ACSS3: variants seen among roughly 807,000 people sequenced by gnomAD.
ACSS3 encodes the protein acyl-CoA synthetase short-chain family member 3, mitochondrial.
Under a neutral mutation model 84.2 loss-of-function variants are expected in ACSS3, and 64 were observed. The observed-to-expected ratio is 0.76, with a 90% CI of 0.62 to 0.94. The LOEUF is 0.94. ACSS3 is among the 40% of genes least tolerant of loss of function. ACSS3 has a pLI of 0.00. For missense variants in ACSS3, 815 were observed against 867.6 expected (o/e 0.94, Z 0.76); for synonymous variants, 317 against 310.1 (o/e 1.02, Z -0.23).
intron 9 of ACSS3, among the ~76,000 whole-genome samples, chr12:81,212,810 A>G (rs748763175): frequency 2.4e-4 from 36 of 152,226 alleles, no homozygotes; most frequent in Non-Finnish European, 4.4e-4. Flanking sequence ...CAGTAAAGAC[A>G]TGCAGTAAAG....
intron 8 of ACSS3, among the ~76,000 whole-genome samples, chr12:81,178,007 A>G (rs2030622086): frequency 6.6e-6 from 1 of 152,174 alleles, no homozygotes; most frequent in Non-Finnish European, 1.5e-5. Context: ...ATAAAGACAC[A>G]TGCACACATA....
intron 13 of ACSS3, among the ~76,000 whole-genome samples, chr12:81,242,044 T>A (rs2033824006): frequency 6.6e-6 from 1 of 152,164 alleles, no homozygotes; most frequent in Non-Finnish European, 1.5e-5. Flanking sequence ...CAGTTTCAGC[T>A]TTCTACATAT....
intron 13 of ACSS3, among the ~76,000 whole-genome samples, chr12:81,244,330 G>A (rs756206327): frequency 6.6e-6 from 1 of 151,488 alleles, no homozygotes; most frequent in South Asian, 2.1e-4. Flanking sequence ...AGTATGATAT[G>A]CCTACATGTA....
chr12:81,160,720 A>G (rs1177544709), intron 7 of ACSS3, among the ~76,000 whole-genome samples: 1 of 152,040 alleles, frequency 6.6e-6, no homozygotes, highest in Middle Eastern at 3.4e-3. Flanking sequence ...ATTTCTTTTC[A>G]TAGTTAGGGA....
intron 1 of ACSS3, among the ~76,000 whole-genome samples, chr12:81,085,469 T>G (rs1236433935): frequency 1.3e-5 from 2 of 152,234 alleles, no homozygotes; most frequent in Non-Finnish European, 2.9e-5. Context: ...CCCCAGATGC[T>G]GCAAAGTTAG....
chr12:81,220,334 T>C (rs890334791), intron 11 of ACSS3, among the ~76,000 whole-genome samples: 7 of 152,054 alleles, frequency 4.6e-5, no homozygotes, highest in African/African-American at 1.7e-4. Flanking sequence ...AGGTTATGTA[T>C]AGATGATAAA....
intron 1 of ACSS3, among the ~76,000 whole-genome samples, chr12:81,088,063 T>G (rs191596124): frequency 6.6e-6 from 1 of 152,278 alleles, no homozygotes; most frequent in Admixed American, 6.5e-5. Flanking sequence ...TCCCCACATA[T>G]ACGTGATTAT....
intron 7 of ACSS3, among the ~76,000 whole-genome samples, chr12:81,169,126 G>T (rs1887537799): frequency 6.6e-6 from 1 of 152,146 alleles, no homozygotes. Context: ...GTAACCACTG[G>T]ATTTGAGTAA....
At chr12:81,167,194 C>CT (rs952221139) in intron 7 of ACSS3, among the ~76,000 whole-genome samples, 5 of 152,108 alleles carry the variant, frequency 3.3e-5, no homozygotes, top group African/African-American at 4.8e-5. Context: ...CAAAGGTAAA[C>CT]TTTTTTTAAA....
intron 9 of ACSS3, among the ~76,000 whole-genome samples, chr12:81,205,330 CT>C (rs2032299395): frequency 6.6e-6 from 1 of 152,010 alleles, no homozygotes; most frequent in Non-Finnish European, 1.5e-5. Context: ...GTTAGAATTC[CT>C]GACAGTAGAC....
At chr12:81,145,768 C>T (rs1050792848) in intron 5 of ACSS3, among the ~76,000 whole-genome samples, 3 of 152,128 alleles carry the variant, frequency 2.0e-5, no homozygotes. Context: ...GTCTTCAGGA[C>T]ATTTAACATG....
intron 9 of ACSS3, among the ~76,000 whole-genome samples, chr12:81,211,659 A>G (rs1397126738): frequency 6.6e-6 from 1 of 152,150 alleles, no homozygotes; most frequent in Non-Finnish European, 1.5e-5. Flanking sequence ...TTCCTACTAC[A>G]CATCTCTCTT....
intron 5 of ACSS3, among the ~76,000 whole-genome samples, chr12:81,149,761 A>G (rs1886520903): frequency 6.6e-6 from 1 of 152,180 alleles, no homozygotes; most frequent in Admixed American, 6.6e-5. Context: ...CTTTGACGGC[A>G]ACCTCTAATT....
At chr12:81,154,673 A>G (rs1703159269) in intron 7 of ACSS3, among the ~76,000 whole-genome samples, 1 of 152,144 alleles carries the variant, frequency 6.6e-6, no homozygotes, top group South Asian at 2.1e-4. Flanking sequence ...AGTCTGATTT[A>G]TGTTCACATC....
rs2034350428 is a variant in ACSS3 at position 81,257,595 on chromosome 12, T to C, written c.*2673T>C. 6.6e-6 allele frequency: 1 copy of C among 152,164 alleles called. No homozygotes were observed. 9.4% of individuals were successfully genotyped at this position (152,164 alleles called of 1,614,324 possible). On this transcript the variant is annotated 3_prime_UTR_variant, in exon 16 of 16. Transcript: ENST00000548058. The stretch of plus-strand genomic sequence containing the variant: ...TTTCAGAAGTTATAGTATTTTCCAA[T>C]TCATTGAATTACTTTGCTTGTGAAA...
intron 2 of ACSS3, 152 bp from the exon 3 acceptor site, chr12:81,134,664 T>A (rs1885692784): frequency 1.1e-5 from 6 of 536,994 alleles, no homozygotes; most frequent in Non-Finnish European, 1.8e-5. Flanking sequence ...TCTCACCATC[T>A]AAAGCATTAT....
chr12:81,199,447 A>T lies in ACSS3; in HGVS notation c.1354+3A>T, dbSNP rs778887336. ...CTTAGACCATTGGTGGCAAACTGGT[A>T]AGCATTTTCCTAGCATGTACATAAA... is the stretch of plus-strand genomic sequence containing the variant. On this transcript the variant is annotated splice_donor_region_variant and intron_variant, in intron 9 of 15. Coordinates refer to ENST00000548058, the MANE Select transcript of ACSS3 (RefSeq NM_024560.4). 4 of 1,610,300 alleles carry T rather than the reference A, an allele frequency of 2.5e-6. No homozygotes were observed. In the Admixed American group the frequency reaches 6.7e-5, roughly 27 times the overall value.
At chr12:81,195,663 T>G (rs184276436) in intron 8 of ACSS3, among the ~76,000 whole-genome samples, 3 of 152,170 alleles carry the variant, frequency 2.0e-5, no homozygotes, top group East Asian at 3.9e-4. Flanking sequence ...TCCTTACTTT[T>G]TATCCCCCTT....
At chr12:81,153,049 A>T (rs1398722504) in intron 7 of ACSS3, among the ~76,000 whole-genome samples, 1 of 98,544 alleles carries the variant, frequency 1.0e-5, no homozygotes, top group Non-Finnish European at 2.5e-5. Flanking sequence ...TTGAGATGAT[A>T]AAAAAAATCA....
Sources: allele counts gnomAD v4.1 joint callset (sites outside exome capture counted in the v4.1 genomes callset), GRCh38; gene constraint gnomAD v4.1.1; transcripts MANE v1.5; gene names NCBI Gene and HGNC (gene_info 2026-07-23, HGNC 2026-07-21).